The following FRYL variants were observed in gnomAD, a reference collection of about 807,000 sequenced individuals.
FRYL encodes FRY like transcription coactivator.
A neutral mutation model predicts 351.2 loss-of-function variants in FRYL; 150 were observed. That is an observed-to-expected ratio of 0.43 (90% CI 0.37 to 0.49). FRYL has a LOEUF of 0.49. Ranked by LOEUF, FRYL falls within the 20% of genes least tolerant of loss-of-function variation. FRYL has a pLI of 0.00. For missense variants in FRYL, 3,036 were observed against 3,619.3 expected (o/e 0.84, Z 4.13); for synonymous variants, 1,153 against 1,257.1 (o/e 0.92, Z 1.75).
chr4:48,595,714 T>C lies in FRYL; in HGVS notation c.1140-16A>G. 2.6e-6 allele frequency: 4 copies of C among 1,544,522 alleles called. No homozygotes were observed. The highest frequency in any genetic ancestry group is 3.6e-6 in the Non-Finnish European group (4 of 1,121,438). On this transcript the variant is annotated splice_polypyrimidine_tract_variant and intron_variant, in intron 14 of 63. Transcript: ENST00000358350. ...CATAAGACGACTACAGGGAAAAAGA[T>C]CTAGTCATAGTGAGATCATAACATC...
intron 2 of FRYL, among the ~76,000 whole-genome samples, chr4:48,691,431 C>A (rs76925366): frequency 0.026 from 3,961 of 151,950 alleles, 65 homozygotes; most frequent in Admixed American, 0.046. Flanking sequence ...GATAATATTC[C>A]ACATACATTT....
intron 2 of FRYL, among the ~76,000 whole-genome samples, chr4:48,702,080 T>G (rs971864943): frequency 1.3e-5 from 2 of 152,184 alleles, no homozygotes; most frequent in African/African-American, 4.8e-5. Context: ...TATAAGAAAT[T>G]TGAATGACTG....
chr4:48,572,453 T>C (rs893619759), intron 26 of FRYL, among the ~76,000 whole-genome samples: 3 of 152,248 alleles, frequency 2.0e-5, no homozygotes, highest in South Asian at 4.1e-4. Context: ...TCAAAATTCT[T>C]TGTAAAGTTT....
At chr4:48,564,299 C>T (rs1223978817) in intron 30 of FRYL, among the ~76,000 whole-genome samples, 197 bp from the exon 31 acceptor site, 3 of 152,200 alleles carry the variant, frequency 2.0e-5, no homozygotes, top group Non-Finnish European at 4.4e-5. Flanking sequence ...TTTGGCCTCT[C>T]GCTTTTTACG....
chr4:48,681,191 A>ACC, intron 3 of FRYL: 1 of 655,796 alleles, frequency 1.5e-6, no homozygotes, highest in Non-Finnish European at 2.0e-6. Flanking sequence ...AACTTCCTTG[A>ACC]TGAGAAGTTC....
chr4:48,589,540 G>A (rs1245181843), intron 18 of FRYL, among the ~76,000 whole-genome samples: 1 of 152,132 alleles, frequency 6.6e-6, no homozygotes, highest in African/African-American at 2.4e-5. Flanking sequence ...CTGGGATCTA[G>A]AGTGAGTTTT....
At position 48,550,617 on chromosome 4, in the gene FRYL, A is replaced by G. The variant is rs1425610548; in HGVS notation, c.4608T>C (p.Ser1536=). ...HRLESRYSSS[S]GGSYEEEKSD... The stretch of plus-strand genomic sequence containing the variant: ...TTTTTTCTTCTTCATAAGATCCTCC[A>G]GAGCTGCTACTGTATCGGGATTCTA... The change falls in exon 38 of 64, where the codon TCT becomes TCC. Residue 1536 remains serine, a synonymous_variant. Transcript: ENST00000358350. The G allele has an allele frequency of 3.7e-6, 6 of 1,610,390 alleles. No individual in the cohort carries two copies. Among genetic ancestry groups the G allele is most frequent in the Non-Finnish European group, 5.1e-6 (6 of 1,176,690 alleles).
intron 34 of FRYL, 55 bp from the exon 35 acceptor site, chr4:48,557,173 C>G: frequency 6.5e-7 from 1 of 1,528,950 alleles, no homozygotes; most frequent in Non-Finnish European, 8.9e-7. Flanking sequence ...TTATAAAAAC[C>G]AAACTTGTCA....
chr4:48,608,872 G>T, intron 9 of FRYL, 115 bp downstream of exon 9: 1 of 716,022 alleles, frequency 1.4e-6, no homozygotes, highest in South Asian at 1.6e-5. Flanking sequence ...AGGTGGAGCT[G>T]ACTTAGTGCT....
intron 23 of FRYL, among the ~76,000 whole-genome samples, chr4:48,577,837 C>T (rs550969707): frequency 6.6e-6 from 1 of 151,784 alleles, no homozygotes; most frequent in South Asian, 2.1e-4. Context: ...GATTACACCT[C>T]TGCATTCCAG....
chr4:48,750,280 G>C (rs184953134), intron 1 of FRYL, among the ~76,000 whole-genome samples: 3 of 151,918 alleles, frequency 2.0e-5, no homozygotes, highest in South Asian at 4.2e-4. Context: ...GGGCAACATG[G>C]GGAAACCCCA....
chr4:48,599,293 C>T (rs1264280027), intron 13 of FRYL, among the ~76,000 whole-genome samples: 1 of 152,074 alleles, frequency 6.6e-6, no homozygotes, highest in Non-Finnish European at 1.5e-5. Flanking sequence ...ACACAAGCAC[C>T]TAAATTGATA....
intron 3 of FRYL, among the ~76,000 whole-genome samples, chr4:48,663,873 C>T (rs752532584): frequency 2.8e-4 from 43 of 151,178 alleles, no homozygotes; most frequent in Admixed American, 4.6e-4. Flanking sequence ...AATGTTCCCA[C>T]ATACAAACAC....
chr4:48,778,906 G>T (rs1776314541), intron 1 of FRYL, among the ~76,000 whole-genome samples: 1 of 151,502 alleles, frequency 6.6e-6, no homozygotes, highest in Non-Finnish European at 1.5e-5. Context: ...AAGAACCCCA[G>T]CCAGTGAATC....
intron 63 of FRYL, 86 bp from the exon 64 acceptor site, chr4:48,499,766 A>T: frequency 8.1e-7 from 1 of 1,230,564 alleles, no homozygotes; most frequent in Non-Finnish European, 1.1e-6. Flanking sequence ...TGTAACAACA[A>T]CATTTCCTTG....
At chr4:48,755,768 A>T (rs761132657) in intron 1 of FRYL, among the ~76,000 whole-genome samples, 1 of 152,184 alleles carries the variant, frequency 6.6e-6, no homozygotes, top group Non-Finnish European at 1.5e-5. Context: ...TGAGATTTTT[A>T]TTCCAACATT....
intron 3 of FRYL, among the ~76,000 whole-genome samples, chr4:48,635,700 T>C (rs1754078261): frequency 6.6e-6 from 1 of 152,204 alleles, no homozygotes; most frequent in Admixed American, 6.5e-5. Flanking sequence ...CATATGTTGC[T>C]ATGTCGATCC....
chr4:48,526,627 C>T (rs779229865), intron 53 of FRYL, among the ~76,000 whole-genome samples: 21 of 152,148 alleles, frequency 1.4e-4, no homozygotes, highest in Non-Finnish European at 4.4e-5. Flanking sequence ...TATCTGAGGT[C>T]AAGCTGACTG....
intron 27 of FRYL, among the ~76,000 whole-genome samples, chr4:48,568,097 T>C (rs922268230): frequency 2.0e-5 from 3 of 152,182 alleles, no homozygotes; most frequent in Non-Finnish European, 2.9e-5. Context: ...AAACCCCATC[T>C]CTACAAAAAA....
Sources: gnomAD v4.1 joint callset for allele counts (sites outside exome capture counted in the v4.1 genomes callset) on GRCh38, gnomAD v4.1.1 for gene constraint, MANE v1.5 for transcripts, NCBI Gene and HGNC (gene_info 2026-07-23, HGNC 2026-07-21) for gene names.